Variants in ZNF23 observed in about 807,000 individuals in gnomAD.
The protein encoded by ZNF23 is kruppel-like zinc finger factor X31.
Under a neutral mutation model 56.2 loss-of-function variants are expected in ZNF23, and 48 were observed. The observed-to-expected ratio is 0.85, with a 90% confidence interval of 0.68 to 1.09. The LOEUF is 1.09. ZNF23 is among the 50% of genes least tolerant of loss of function. The probability of loss-of-function intolerance (pLI) is 0.00; values close to 1 mark genes in which losing one functional copy is unlikely to be tolerated. For synonymous variants in ZNF23, 266 were observed against 283.3 expected, an observed-to-expected ratio of 0.94 and a Z score of 0.61; for missense variants, 805 against 811.4, an observed-to-expected ratio of 0.99 and a Z score of 0.10.
chr16:71,454,493 C>G (rs971106347), intron 2 of ZNF23, among the ~76,000 whole-genome samples: 1 of 152,146 alleles, frequency 6.6e-6, no homozygotes, highest in Non-Finnish European at 1.5e-5. Context: ...CCAGCAAACT[C>G]GGGGCTGATC....
At position 71,449,521 on chromosome 16, in the gene ZNF23, G is replaced by A. The variant is rs2042974655; in HGVS notation, c.633C>T (p.Phe211=). 1 of 1,614,100 alleles carries A rather than the reference G, an allele frequency of 6.2e-7. No individual in the cohort carries two copies. The highest frequency in any genetic ancestry group is 2.2e-5 in the East Asian group (1 of 44,882). ...HEIINSEERP[F]KCEELVEPFR... ...AGGGCTCTACTAATTCTTCACATTT[G>A]AAAGGTCTTTCCTCAGAATTAATTA... The change falls in exon 5 of 5, where the codon TTC becomes TTT. Residue 211 remains phenylalanine, a synonymous_variant. Coordinates refer to ENST00000647773, the MANE Select transcript of ZNF23 (RefSeq NM_001381984.1).
chr16:71,449,768 A>G lies in ZNF23; in HGVS notation c.386T>C (p.Leu129Pro). The G allele has an allele frequency of 6.2e-7, 1 of 1,614,088 alleles. No individual in the cohort carries two copies. Residue 129 changes from leucine to proline, a missense_variant, in exon 5 of 5, where the codon CTA becomes CCA. Coordinates refer to ENST00000647773, the MANE Select transcript of ZNF23 (RefSeq NM_001381984.1). Reference protein sequence around the residue: ...QETDFSEASLLEKQQEVHSAG... With the variant: ...QETDFSEASLPEKQQEVHSAG... The stretch of plus-strand genomic sequence containing the variant: ...TGAGTGGACTTCCTGTTGTTTCTCT[A>G]GAAGAGAGGCTTCTGAAAAGTCTGT...
chr16:71,454,026 G>A lies in ZNF23; in HGVS notation c.160+16C>T. On this transcript the variant is annotated intron_variant, in intron 3 of 4. Transcript: ENST00000647773. ...CAATTGGCAGATTCCAGGTTCCCAG[G>A]GTAGAGAGGTCTTACCCAGGGAGGC... 6.2e-7 allele frequency: 1 copy of A among 1,614,054 alleles called. No homozygotes were observed. Among genetic ancestry groups the A allele is most frequent in the Non-Finnish European group, 8.5e-7 (1 of 1,179,970 alleles).
intron 1 of ZNF23, among the ~76,000 whole-genome samples, chr16:71,459,233 A>C (rs2043349797): frequency 6.6e-6 from 1 of 152,244 alleles, no homozygotes. Context: ...GTGCAGAGGC[A>C]TTAACACCTG....
chr16:71,449,578 G>T lies in ZNF23; in HGVS notation c.576C>A (p.Ile192=). Residue 192 remains isoleucine (I), a synonymous_variant, in exon 5 of 5, where the codon ATC becomes ATA. Coordinates refer to ENST00000647773, the MANE Select transcript of ZNF23 (RefSeq NM_001381984.1). ...GCTTCACGAGTTTTGTATCAAAGCT[G>T]ATGGATTTCCCCAATCCTGTACACC... ...PSGCTGLGKS[I]SFDTKLVKHE... 6.2e-7 allele frequency: 1 copy of T among 1,614,088 alleles called. No individual in the cohort carries two copies. The highest frequency in any genetic ancestry group is 8.5e-7 in the Non-Finnish European group (1 of 1,180,034).
intron 4 of ZNF23, 67 bp from the exon 5 acceptor site, chr16:71,449,952 T>A: frequency 3.1e-6 from 4 of 1,306,848 alleles, no homozygotes; most frequent in Non-Finnish European, 3.1e-6. Context: ...AGAACTGTGC[T>A]ATAAAAGACC....
chr16:71,455,549 G>T (rs1256591260), intron 2 of ZNF23, among the ~76,000 whole-genome samples: 1 of 152,046 alleles, frequency 6.6e-6, no homozygotes, highest in Non-Finnish European at 1.5e-5. Flanking sequence ...CAGAGACAGG[G>T]TTTCACCATG....
chr16:71,453,610 A>T (rs1377202151), intron 3 of ZNF23: 6 of 495,430 alleles, frequency 1.2e-5, no homozygotes, highest in Non-Finnish European at 2.2e-5. Flanking sequence ...GTTAGGGCCC[A>T]GACTGTAGGC....
At chr16:71,458,187 AGAG>A (rs975889467) in intron 1 of ZNF23, among the ~76,000 whole-genome samples, 2 of 152,218 alleles carry the variant, frequency 1.3e-5, no homozygotes, top group African/African-American at 2.4e-5. Context: ...AGCTCCTGAG[AGAG>A]GAGATCACTG....
In ZNF23 at chr16:71,449,193, T is replaced by G. The variant is rs1354333790; in HGVS notation, c.961A>C (p.Lys321Gln). The G allele has an allele frequency of 6.2e-7, 1 of 1,614,180 alleles. No individual in the cohort carries two copies. The highest frequency in any genetic ancestry group is 1.1e-5 in the South Asian group (1 of 91,072). Residue 321 changes from lysine to glutamine, a missense_variant, in exon 5 of 5, where the codon AAG (lysine) becomes CAG (glutamine). Physicochemically the swap from Lys to Gln is moderately conservative, Grantham distance 53. Coordinates refer to ENST00000647773, the MANE Select transcript of ZNF23 (RefSeq NM_001381984.1). ...CCACATTCCTTGCACTGATAGGGCT[T>G]CTCTCCCGTATGGATTCTCTGATGC... ...SRHQRIHTGE[K>Q]PYQCKECGNG...
chr16:71,453,281 G>A lies in ZNF23; in HGVS notation c.230C>T (p.Pro77Leu), dbSNP rs748652693. 1.2e-5 allele frequency: 19 copies of A among 1,609,240 alleles called. No homozygotes were observed. Among genetic ancestry groups the A allele is most frequent in the South Asian group, 6.7e-5 (6 of 89,714 alleles). The change falls in exon 4 of 5, where the codon CCA becomes CTA. Residue 77 changes from proline to leucine, a missense_variant. Transcript: ENST00000647773. ...EGGSELGGSS[P>L]LAAGTGLQGL... ...CTGGAGGCCTGTTCCTGCAGCCAGTGGAGATGAGCCCCCCAGCTCACTTCC... is the reference window on the plus strand; with the variant it reads ...CTGGAGGCCTGTTCCTGCAGCCAGTAGAGATGAGCCCCCCAGCTCACTTCC...
chr16:71,448,830 T>G lies in ZNF23; in HGVS notation c.1324A>C (p.Lys442Gln). Residue 442 changes from lysine (K) to glutamine (Q), a missense_variant, in exon 5 of 5, where the codon AAA becomes CAA. Coordinates refer to ENST00000647773, the MANE Select transcript of ZNF23 (RefSeq NM_001381984.1). The stretch of plus-strand genomic sequence containing the variant: ...AACTTCCCTTTGACACTGAAGGCTT[T>G]TCCACATTCAGTGCATTCATAGGGT... ...EKPYECTECG[K>Q]AFSVKGKLIQ... 6.2e-7 allele frequency: 1 copy of G among 1,614,252 alleles called. No individual in the cohort carries two copies. Among genetic ancestry groups the G allele is most frequent in the Non-Finnish European group, 8.5e-7 (1 of 1,180,044 alleles).
At chr16:71,457,737 A>G (rs1452171336) in intron 1 of ZNF23, among the ~76,000 whole-genome samples, 2 of 152,198 alleles carry the variant, frequency 1.3e-5, no homozygotes, top group African/African-American at 4.8e-5. Flanking sequence ...AAAAAATAAA[A>G]AATAAAAATA....
At chr16:71,460,818 TAGAG>T (rs761167623) in intron 1 of ZNF23, among the ~76,000 whole-genome samples, 36 of 152,214 alleles carry the variant, frequency 2.4e-4, no homozygotes, top group Non-Finnish European at 4.6e-4. Flanking sequence ...ACTTACACAC[TAGAG>T]AAACTCTCAT....
Position 71,448,382 on chromosome 16 carries a change from A to G in ZNF23, c.1772T>C (p.Ile591Thr), listed in dbSNP as rs752213041. The G allele has an allele frequency of 6.2e-7, 1 of 1,614,120 alleles. No individual in the cohort carries two copies. The highest frequency in any genetic ancestry group is 2.2e-5 in the East Asian group (1 of 44,876). Residue 591 changes from isoleucine (I) to threonine (T), a missense_variant, in exon 5 of 5, where the codon ATT (isoleucine) becomes ACT (threonine). Physicochemically the swap from Ile to Thr is moderately conservative, Grantham distance 89. Coordinates refer to ENST00000647773, the MANE Select transcript of ZNF23 (RefSeq NM_001381984.1). ...EKAFSCSSNYIVHQRIHTGEK... is the reference protein window; with the variant it reads ...EKAFSCSSNYTVHQRIHTGEK... Reference sequence around the variant, plus strand: ...TCCTGTATGGATTCTCTGGTGCACAATATAGTTAGAACTACAGCTGAATGC... The same window carrying G: ...TCCTGTATGGATTCTCTGGTGCACAGTATAGTTAGAACTACAGCTGAATGC...
intron 1 of ZNF23, among the ~76,000 whole-genome samples, chr16:71,461,063 T>A (rs993659527): frequency 1.3e-5 from 2 of 151,992 alleles, no homozygotes; most frequent in African/African-American, 4.8e-5. Flanking sequence ...AAAAAAAAAA[T>A]TTAAGTACAT....
In ZNF23 at chr16:71,453,238, CT is replaced by C; in HGVS notation, c.268+4del. 1 of 1,600,632 alleles carries C rather than the reference CT, an allele frequency of 6.2e-7. No individual in the cohort carries two copies. The highest frequency in any genetic ancestry group is 2.2e-5 in the East Asian group (1 of 44,558). On this transcript the variant is annotated splice_donor_region_variant and intron_variant, in intron 4 of 4. Transcript: ENST00000647773. ...AACAGAGTGGGAAATATGTACCTCC[CT>C]TACCAGTCTGGAGGCCCTGGAGGCC...
intron 1 of ZNF23, among the ~76,000 whole-genome samples, chr16:71,457,923 A>G (rs983324363): frequency 1.3e-5 from 2 of 152,240 alleles, no homozygotes; most frequent in South Asian, 2.1e-4. Context: ...CCCAGTACAC[A>G]AGCCTGGGGA....
At chr16:71,453,638 G>A in intron 3 of ZNF23, 1 of 471,630 alleles carries the variant, frequency 2.1e-6, no homozygotes, top group South Asian at 2.9e-5. Context: ...ACCTCATGCA[G>A]GGCAAGCAGG....
Sources: gnomAD v4.1 joint callset for allele counts (sites outside exome capture counted in the v4.1 genomes callset) on GRCh38, gnomAD v4.1.1 for gene constraint, MANE v1.5 for transcripts, NCBI Gene and HGNC (gene_info 2026-07-23, HGNC 2026-07-21) for gene names.